Variants in WWC1 observed in about 807,000 individuals in gnomAD.
WWC1 encodes protein KIBRA.
A neutral mutation model predicts 138.4 loss-of-function variants in WWC1; 55 were observed. The observed-to-expected ratio is 0.40, with a 90% CI of 0.32 to 0.50. WWC1 has a LOEUF of 0.50. Ranked by LOEUF, WWC1 falls within the 20% of genes least tolerant of loss-of-function variation. The pLI, the probability that WWC1 is intolerant of heterozygous loss-of-function variation, is 0.72. For missense variants in WWC1, 1,226 were observed against 1,420.4 expected, an observed-to-expected ratio of 0.86 and a Z score of 2.20; for synonymous variants, 524 against 564.9, an observed-to-expected ratio of 0.93 and a Z score of 1.03.
chr5:168,438,569 G>A (rs929885958), intron 15 of WWC1, among the ~76,000 whole-genome samples: 2 of 152,072 alleles, frequency 1.3e-5, no homozygotes, highest in African/African-American at 2.4e-5. Context: ...GCATGAGAAC[G>A]GATTAATACA....
intron 17 of WWC1, among the ~76,000 whole-genome samples, chr5:168,450,130 A>G (rs988431965): frequency 6.6e-5 from 10 of 152,180 alleles, no homozygotes; most frequent in African/African-American, 2.4e-4. Flanking sequence ...GTATGATAAC[A>G]CTGTCTCATG....
chr5:168,310,342 ATTC>A (rs1243789135), intron 1 of WWC1, among the ~76,000 whole-genome samples: 5 of 151,478 alleles, frequency 3.3e-5, no homozygotes, highest in African/African-American at 1.2e-4. Context: ...ATATTCTCTT[ATTC>A]TTTCTCTCTG....
At chr5:168,355,920 GAGAA>G (rs1326491907) in intron 1 of WWC1, among the ~76,000 whole-genome samples, 2 of 60,940 alleles carry the variant, frequency 3.3e-5, no homozygotes, top group Non-Finnish European at 6.6e-5. Flanking sequence ...GAACAAGAGA[GAGAA>G]AGAGAGACGG....
intron 1 of WWC1, among the ~76,000 whole-genome samples, chr5:168,339,832 T>TTCTTTCTTTCTTTA: frequency 2.1e-5 from 1 of 48,356 alleles, no homozygotes; most frequent in South Asian, 1.1e-3. Flanking sequence ...CTTTCTTTCT[T>TTCTTTCTTTCTTTA]TTTCTTTTCT....
At chr5:168,414,068 T>TA (rs1031035731) in intron 8 of WWC1, 135 of 403,658 alleles carry the variant, frequency 3.3e-4, no homozygotes, top group African/African-American at 2.3e-3. Context: ...GGTTAGTGCC[T>TA]GGTGATGAAT....
intron 1 of WWC1, among the ~76,000 whole-genome samples, chr5:168,327,451 T>G (rs1772661011): frequency 6.6e-6 from 1 of 152,262 alleles, no homozygotes; most frequent in African/African-American, 2.4e-5. Flanking sequence ...AGCTCTTCGT[T>G]GAAACCTTGT....
intron 17 of WWC1, among the ~76,000 whole-genome samples, chr5:168,446,232 TAAAAAAAAAAAAAA>T (rs60746695): frequency 0.027 from 1,593 of 58,810 alleles, 21 homozygotes; most frequent in South Asian, 0.078. Flanking sequence ...CTCCCATTAT[TAAAAAAAAAAAAAA>T]AAAAAAAAAA....
chr5:168,334,757 T>C (rs1219168900), intron 1 of WWC1, among the ~76,000 whole-genome samples: 8 of 152,232 alleles, frequency 5.3e-5, no homozygotes, highest in Admixed American at 3.3e-4. Context: ...TCAATGACTC[T>C]CCTGCTAAGC....
chr5:168,414,469 C>T lies in WWC1; in HGVS notation c.1063C>T (p.Arg355Cys), dbSNP rs754910483. The T allele has an allele frequency of 4.7e-5, 73 of 1,568,538 alleles. No homozygotes were observed. Among genetic ancestry groups the T allele is most frequent in the Non-Finnish European group, 6.0e-5 (69 of 1,156,080 alleles). ...NEKEELLKEM[R>C]FISPRKWTQG... ...GAAGGAGGAGCTGCTGAAGGAGATG[C>T]GCTTCATCAGCCCCCGCAAGTGGAC... The change falls in exon 9 of 23, where the codon CGC becomes TGC. Residue 355 changes from arginine to cysteine, a missense_variant. Physicochemically the swap from Arg to Cys is radical, Grantham distance 180. Around this residue, in one of 3 missense-constraint regions of WWC1, gnomAD observed 1,016 missense variants for 1,153.9 expected, o/e 0.88. Transcript: ENST00000265293.
Position 168,371,503 on chromosome 5 carries a change from G to A in WWC1, c.199G>A (p.Val67Ile). 6.2e-7 allele frequency: 1 copy of A among 1,614,056 alleles called. No individual in the cohort carries two copies. Among genetic ancestry groups the A allele is most frequent in the Non-Finnish European group, 8.5e-7 (1 of 1,179,988 alleles). The change falls in exon 2 of 23, where the codon GTT (valine) becomes ATT (isoleucine). Residue 67 changes from valine to isoleucine, a missense_variant. This residue lies in a region of WWC1 where 1,016 missense variants were observed against 1,153.9 expected (regional missense o/e 0.88). Coordinates refer to ENST00000265293, the MANE Select transcript of WWC1 (RefSeq NM_015238.3). ...ATGGGAAGAGGCATATGACCCACAG[G>A]TTGGAGATTACTTCATAGACCACAA... ...LGWEEAYDPQ[V>I]GDYFIDHNTK...
intron 1 of WWC1, among the ~76,000 whole-genome samples, chr5:168,338,736 T>C (rs1479742817): frequency 6.6e-6 from 1 of 152,198 alleles, no homozygotes; most frequent in Non-Finnish European, 1.5e-5. Context: ...GGATTTTTCC[T>C]GCAAGTTGAA....
intron 1 of WWC1, among the ~76,000 whole-genome samples, chr5:168,322,683 C>T (rs978068079): frequency 6.6e-6 from 1 of 152,186 alleles, no homozygotes; most frequent in Non-Finnish European, 1.5e-5. Flanking sequence ...TAGATGTTAT[C>T]TCTTTGTTAC....
chr5:168,419,294 A>G (rs2152848387), intron 9 of WWC1, among the ~76,000 whole-genome samples: 1 of 152,316 alleles, frequency 6.6e-6, no homozygotes, highest in African/African-American at 2.4e-5. Context: ...CAACAGTGGA[A>G]CACATCTGTC....
chr5:168,409,965 T>G lies in WWC1; in HGVS notation c.911T>G (p.Leu304Trp), dbSNP rs761983649. ...SNNQLAEKVR[L>W]RLRYEEAKRR... ...AATCAGTTGGCAGAGAAGGTCAGAT[T>G]GCGCCTTCGATATGAAGAGGCTAAG... The change falls in exon 8 of 23, where the codon TTG becomes TGG. Residue 304 changes from leucine (L) to tryptophan (W), a missense_variant. By Grantham distance (61) the Leu-to-Trp change is moderately conservative (BLOSUM62 -2). Transcript: ENST00000265293. 5.0e-6 allele frequency: 8 copies of G among 1,613,988 alleles called. No homozygotes were observed. The highest frequency in any genetic ancestry group is 8.5e-7 in the Non-Finnish European group (1 of 1,179,896).
intron 1 of WWC1, among the ~76,000 whole-genome samples, chr5:168,341,702 T>TAAA (rs3832365): frequency 6.8e-6 from 1 of 146,140 alleles, no homozygotes; most frequent in Non-Finnish European, 1.5e-5. Flanking sequence ...TTTGCTGATT[T>TAAA]AAAAAAAAAA....
At position 168,471,093 on chromosome 5, in the gene WWC1, C is replaced by T. The variant is rs1227794864; in HGVS notation, c.*2076C>T. On this transcript the variant is annotated 3_prime_UTR_variant, in exon 23 of 23. Coordinates refer to ENST00000265293, the MANE Select transcript of WWC1 (RefSeq NM_015238.3). ...TGGCCTTCTCCAGGCTACTGGGAAC[C>T]CATGGGCGGTGATGGAGGGAGTGGT... The T allele has an allele frequency of 6.6e-6, 1 of 152,452 alleles. No individual in the cohort carries two copies. The highest frequency in any genetic ancestry group is 1.5e-5 in the Non-Finnish European group (1 of 68,268). 9.4% of individuals were successfully genotyped at this position (152,452 alleles called of 1,614,324 possible). A position where few individuals can be genotyped will look rare whatever the true frequency, so the allele number is the denominator to read the frequency against.
intron 1 of WWC1, among the ~76,000 whole-genome samples, chr5:168,337,442 G>C (rs1198708909): frequency 6.6e-6 from 1 of 152,136 alleles, no homozygotes; most frequent in East Asian, 1.9e-4. Context: ...AACTGGGAGG[G>C]TGCCTCTAAA....
chr5:168,432,031 C>T (rs1423363739), intron 15 of WWC1, among the ~76,000 whole-genome samples: 1 of 131,276 alleles, frequency 7.6e-6, no homozygotes. Flanking sequence ...GCCTGGGCAA[C>T]AGCAGAACCC....
At chr5:168,437,800 G>A (rs1351629624) in intron 15 of WWC1, among the ~76,000 whole-genome samples, 1 of 152,074 alleles carries the variant, frequency 6.6e-6, no homozygotes, top group Non-Finnish European at 1.5e-5. Context: ...TGTGATCCTG[G>A]TCTTTTCCCC....
Sources: gnomAD v4.1 joint callset for allele counts (sites outside exome capture counted in the v4.1 genomes callset) on GRCh38, gnomAD v4.1.1 for gene constraint, gnomAD v4.1.1 regional missense constraint, MANE v1.5 for transcripts, NCBI Gene and HGNC (gene_info 2026-07-23, HGNC 2026-07-21) for gene names.